The following RARS1 variants were observed in gnomAD, a reference collection of about 807,000 sequenced individuals.
RARS1 encodes arginine--tRNA ligase, cytoplasmic.
A neutral mutation model predicts 78.7 loss-of-function variants in RARS1; 75 were observed. The observed-to-expected ratio is 0.95, with a 90% CI of 0.79 to 1.15. The LOEUF (loss-of-function observed/expected upper bound fraction) is 1.15. RARS1 is among the 50% of genes most tolerant of loss of function. The pLI is 0.00. For synonymous variants in RARS1, 273 were observed against 268.2 expected, an observed-to-expected ratio of 1.02 and a Z score of -0.18; for missense variants, 787 against 787.5, an observed-to-expected ratio of 1.00 and a Z score of 0.01.
intron 9 of RARS1, among the ~76,000 whole-genome samples, chr5:168,505,553 T>G (rs981303773): frequency 6.6e-5 from 10 of 151,990 alleles, no homozygotes; most frequent in African/African-American, 2.2e-4. Context: ...CATGTTCTGG[T>G]CCTACCGAGC....
At chr5:168,515,149 A>T (rs1758638730) in intron 12 of RARS1, among the ~76,000 whole-genome samples, 1 of 152,006 alleles carries the variant, frequency 6.6e-6, no homozygotes, top group Admixed American at 6.6e-5. Flanking sequence ...TAAAGTTAGT[A>T]TTTTCCCCCT....
chr5:168,494,053 T>C (rs1048670601), intron 4 of RARS1, 51 bp downstream of exon 4: 2 of 1,484,122 alleles, frequency 1.3e-6, no homozygotes, highest in African/African-American at 2.8e-5. Flanking sequence ...ATGAGTCCTT[T>C]TTGAAGTTAA....
rs1430161738 is a variant in RARS1 at position 168,493,935 on chromosome 5, T to A, written c.411T>A (p.Ile137=). The A allele has an allele frequency of 6.2e-7, 1 of 1,613,630 alleles. No homozygotes were observed. Among genetic ancestry groups the A allele is most frequent in the Admixed American group, 1.7e-5 (1 of 59,994 alleles). Residue 137 remains isoleucine (I), a synonymous_variant, in exon 4 of 15, where the codon ATT becomes ATA. Coordinates refer to ENST00000231572, the MANE Select transcript of RARS1 (RefSeq NM_002887.4). ...AACAGAAAGTTAATCCAAGAGAAATTGCTGAAAACATTACCAAACACCTCC... is the reference window on the plus strand; with the variant it reads ...AACAGAAAGTTAATCCAAGAGAAATAGCTGAAAACATTACCAAACACCTCC... ...TKEQKVNPRE[I]AENITKHLPD...
At chr5:168,494,333 G>T in intron 4 of RARS1, 7 of 985,416 alleles carry the variant, frequency 7.1e-6, no homozygotes, top group African/African-American at 1.7e-5. Flanking sequence ...AAGTGAAAGG[G>T]CCCTGAGTTA....
rs1348017513 is a variant in RARS1, at chr5:168,519,210, CTGTG to C, written c.*24_*27del. 1 of 1,582,702 alleles carries C rather than the reference CTGTG, an allele frequency of 6.3e-7. No homozygotes were observed. The highest frequency in any genetic ancestry group is 2.2e-5 in the East Asian group (1 of 44,562). On this transcript the variant is annotated 3_prime_UTR_variant, in exon 15 of 15. Coordinates refer to ENST00000231572, the MANE Select transcript of RARS1 (RefSeq NM_002887.4). ...ATGTAATCCTTCATAGGTTTGAACA[CTGTG>C]TGTTTTTACCAAAGTGGCCATTGGC... is the stretch of plus-strand genomic sequence containing the variant.
intron 9 of RARS1, among the ~76,000 whole-genome samples, chr5:168,502,384 A>AT (rs759302320): frequency 0.051 from 6,444 of 127,176 alleles, 204 homozygotes; most frequent in South Asian, 0.088. Flanking sequence ...ATATATATAT[A>AT]TTTTTTTTTT....
intron 7 of RARS1, among the ~76,000 whole-genome samples, chr5:168,497,637 G>T (rs1008850341): frequency 2.6e-5 from 4 of 151,980 alleles, no homozygotes; most frequent in Non-Finnish European, 5.9e-5. Flanking sequence ...TTTTATTTAT[G>T]GTGGAAGGCA....
chr5:168,497,159 G>T, intron 6 of RARS1, 69 bp from the exon 7 acceptor site: 2 of 1,198,652 alleles, frequency 1.7e-6, no homozygotes, highest in Non-Finnish European at 2.2e-6. Flanking sequence ...ATGGAATATA[G>T]TTCCTCTAAT....
chr5:168,517,033 T>G, intron 13 of RARS1, 83 bp downstream of exon 13: 9 of 1,359,942 alleles, frequency 6.6e-6, no homozygotes, highest in African/African-American at 1.5e-5. Context: ...TTTTTTTTTT[T>G]GAAATGAGAC....
At chr5:168,502,968 G>A (rs974567531) in intron 9 of RARS1, among the ~76,000 whole-genome samples, 56 of 152,096 alleles carry the variant, frequency 3.7e-4, no homozygotes, top group African/African-American at 1.3e-3. Flanking sequence ...AAGAAACTGG[G>A]CTATTTGTCC....
rs193037302 is a variant in RARS1 at position 168,494,141 on chromosome 5, T to C, written c.478+139T>C. On this transcript the variant is annotated intron_variant, in intron 4 of 14. Transcript: ENST00000231572. ...GGTGAAAGCACTGTGGATTGTGATA[T>C]AGGAAATTGAAGTTTTAATCTAGAC... The C allele has an allele frequency of 2.3e-4, 285 of 1,253,184 alleles. 1 individual carries two copies. The East Asian group carries it at 5.6e-3, about 25-fold the overall frequency. 77.6% of individuals were successfully genotyped at this position (1,253,184 alleles called of 1,614,324 possible). A position where few individuals can be genotyped will look rare whatever the true frequency, so the allele number is the denominator to read the frequency against.
At chr5:168,504,343 G>A (rs1048337512) in intron 9 of RARS1, among the ~76,000 whole-genome samples, 2 of 151,842 alleles carry the variant, frequency 1.3e-5, no homozygotes, top group African/African-American at 4.8e-5. Flanking sequence ...GACCAACATG[G>A]TGAAACCCCG....
rs1021707115 is a variant in RARS1 at position 168,510,522 on chromosome 5, A to T, written c.1347-59A>T. 6 of 1,318,148 alleles carry T rather than the reference A, an allele frequency of 4.6e-6. No individual in the cohort carries two copies. The African/African-American group carries it at 8.9e-5, about 20-fold the overall frequency. 81.7% of individuals were successfully genotyped at this position (1,318,148 alleles called of 1,614,324 possible). A position where few individuals can be genotyped will look rare whatever the true frequency, so the allele number is the denominator to read the frequency against. On this transcript the variant is annotated intron_variant, in intron 11 of 14. Transcript: ENST00000231572. ...CAGGTCTCTCAAACCTTCATTTTCA[A>T]AGATTTCTAAGTTGAAAAGTCTGTT... is the stretch of plus-strand genomic sequence containing the variant.
chr5:168,518,069 G>GTATTTTTTTTT lies in RARS1; in HGVS notation c.1873+8_1873+9insATTTTTTTTTT. On this transcript the variant is annotated splice_region_variant and intron_variant, in intron 14 of 14. Transcript: ENST00000231572. Reference sequence around the variant, plus strand: ...GAGAAAGATAGACAGACTGGTGAGTGTCTTTTTTTTTTTTTTTTTTTTTTT... The same window carrying GTATTTTTTTTT: ...GAGAAAGATAGACAGACTGGTGAGTGTATTTTTTTTTTCTTTTTTTTTTTTTTTTTTTTTTT... 4.4e-6 allele frequency: 3 copies of GTATTTTTTTTT among 675,682 alleles called. No individual in the cohort carries two copies. The highest frequency in any genetic ancestry group is 4.8e-5 in the African/African-American group (1 of 21,002). The allele number at this position is 675,682 out of a possible 1,614,324, so 41.9% of individuals were successfully genotyped here. A position where few individuals can be genotyped will look rare whatever the true frequency, so the allele number is the denominator to read the frequency against.
intron 2 of RARS1, among the ~76,000 whole-genome samples, chr5:168,489,812 C>CTTTTTT (rs35560247): frequency 1.5e-5 from 2 of 130,320 alleles, no homozygotes; most frequent in Non-Finnish European, 3.2e-5. Flanking sequence ...CTCATATTAT[C>CTTTTTT]TTTTTTTTTT....
intron 9 of RARS1, among the ~76,000 whole-genome samples, chr5:168,504,608 C>T (rs1384971775): frequency 6.6e-6 from 1 of 151,648 alleles, no homozygotes; most frequent in Non-Finnish European, 1.5e-5. Context: ...AGGCGGATCA[C>T]GAGGTCATGA....
At chr5:168,505,580 A>C (rs1309254804) in intron 9 of RARS1, among the ~76,000 whole-genome samples, 3 of 152,102 alleles carry the variant, frequency 2.0e-5, no homozygotes, top group Non-Finnish European at 4.4e-5. Flanking sequence ...GTTCCAACTA[A>C]AGAGTTTGGG....
At chr5:168,487,633 G>A (rs1757997755) in intron 1 of RARS1, among the ~76,000 whole-genome samples, 2 of 152,146 alleles carry the variant, frequency 1.3e-5, no homozygotes, top group Admixed American at 1.3e-4. Flanking sequence ...TCAGCTCCTG[G>A]AACATAATGT....
At chr5:168,515,741 T>C (rs1386287017) in intron 12 of RARS1, among the ~76,000 whole-genome samples, 1 of 152,366 alleles carries the variant, frequency 6.6e-6, no homozygotes, top group Admixed American at 6.5e-5. Context: ...GCGTGTGTGC[T>C]AATGCCCTTC....
Sources: gnomAD v4.1 joint callset for allele counts (sites outside exome capture counted in the v4.1 genomes callset) on GRCh38, gnomAD v4.1.1 for gene constraint, MANE v1.5 for transcripts, NCBI Gene and HGNC (gene_info 2026-07-23, HGNC 2026-07-21) for gene names.